Variants in DNAH7 observed in about 807,000 individuals in gnomAD.
The protein encoded by DNAH7 is axonemal beta dynein heavy chain 7.
In DNAH7, 397 loss-of-function variants were observed where a neutral mutation model predicts 444.6. That is an observed-to-expected ratio of 0.89 (90% CI 0.82 to 0.97). The LOEUF (loss-of-function observed/expected upper bound fraction) is 0.97. Ranked by LOEUF, DNAH7 falls within the 50% of genes least tolerant of loss-of-function variation. The probability of loss-of-function intolerance (pLI) is 0.00; values close to 1 mark genes in which losing one functional copy is unlikely to be tolerated. For missense variants in DNAH7, 4,902 were observed against 4,800.8 expected (o/e 1.02, Z -0.62); for synonymous variants, 1,636 against 1,624.4 (o/e 1.01, Z -0.17).
At chr2:195,754,190 T>C in intron 63 of DNAH7, 147 bp downstream of exon 63, 3 of 836,652 alleles carry the variant, frequency 3.6e-6, no homozygotes, top group African/African-American at 1.7e-5. Context: ...ATTTGCTCTC[T>C]GTATCTCAAT....
At chr2:195,941,100 T>C (rs1317902756) in intron 19 of DNAH7, among the ~76,000 whole-genome samples, 2 of 152,054 alleles carry the variant, frequency 1.3e-5, no homozygotes, top group Non-Finnish European at 2.9e-5. Flanking sequence ...CTATTCACAA[T>C]AGCAAAGACT....
chr2:195,844,865 A>G (rs369406662), intron 47 of DNAH7, 137 bp downstream of exon 47: 1 of 662,334 alleles, frequency 1.5e-6, no homozygotes, highest in East Asian at 2.8e-5. Flanking sequence ...GGAAGTGATT[A>G]CTCATACTTA....
intron 54 of DNAH7, among the ~76,000 whole-genome samples, chr2:195,801,303 T>A (rs1415824560): frequency 6.6e-6 from 1 of 152,100 alleles, no homozygotes; most frequent in Non-Finnish European, 1.5e-5. Flanking sequence ...TATATATATA[T>A]ATATATGCAC....
intron 40 of DNAH7, among the ~76,000 whole-genome samples, chr2:195,871,589 A>G (rs1421664306): frequency 6.6e-6 from 1 of 151,988 alleles, no homozygotes; most frequent in Non-Finnish European, 1.5e-5. Flanking sequence ...TATACAAATA[A>G]GTAATGTAAA....
chr2:196,001,858 C>A lies in DNAH7; in HGVS notation c.990G>T (p.Met330Ile). 1 of 1,596,924 alleles carries A rather than the reference C, an allele frequency of 6.3e-7. No homozygotes were observed. Among genetic ancestry groups the A allele is most frequent in the Non-Finnish European group, 8.5e-7 (1 of 1,173,558 alleles). ...AAATATTCTGCACTTCTGGAAACCA[C>A]CTTGAAAGAACAAAAGACTTTTAAA... The part of the protein sequence containing the change: ...MDSAKETLLK[M>I]WFPEVQNIYY... Residue 330 changes from methionine (M) to isoleucine (I), a missense_variant and splice_region_variant, in exon 11 of 65, where the codon ATG becomes ATT. Physicochemically the swap from Met to Ile is conservative, Grantham distance 10 (BLOSUM62 1). Transcript: ENST00000312428.
chr2:195,985,711 AGAGAACATTAAGAGGCAGGGG>A (rs1692861643), intron 14 of DNAH7, among the ~76,000 whole-genome samples: 1 of 152,228 alleles, frequency 6.6e-6, no homozygotes, highest in Non-Finnish European at 1.5e-5. Flanking sequence ...GCACAAGCTC[AGAGAACATTAAGAGGCAGGGG>A]AAGTAGCTAC....
chr2:195,756,190 G>C lies in DNAH7; in HGVS notation c.11529C>G (p.Ser3843Arg). 1 of 1,613,338 alleles carries C rather than the reference G, an allele frequency of 6.2e-7. No homozygotes were observed. Among genetic ancestry groups the C allele is most frequent in the Non-Finnish European group, 8.5e-7 (1 of 1,179,532 alleles). Residue 3843 changes from serine (S) to arginine (R), a missense_variant, in exon 62 of 65, where the codon AGC becomes AGG. Physicochemically the swap from Ser to Arg is moderately radical, Grantham distance 110 (BLOSUM62 -1). Coordinates refer to ENST00000312428, the MANE Select transcript of DNAH7 (RefSeq NM_018897.3). ...PEMWMGKSYP[S>R]LKPLGSYVND... is the part of the protein sequence containing the mutation. ...TCACATAGCTGCCAAGTGGTTTAAG[G>C]CTTGGGTAGGATTTACCCATCCACA...
intron 42 of DNAH7, among the ~76,000 whole-genome samples, chr2:195,859,343 T>TGG (rs1699892497): frequency 6.6e-6 from 1 of 152,186 alleles, no homozygotes; most frequent in African/African-American, 2.4e-5. Context: ...CTCAATACCC[T>TGG]GTTTGGTGCA....
At chr2:195,764,915 C>A (rs372528367) in intron 61 of DNAH7, among the ~76,000 whole-genome samples, 8 of 150,302 alleles carry the variant, frequency 5.3e-5, no homozygotes, top group African/African-American at 2.0e-4. Context: ...CCACATAAGA[C>A]CCAGAATAGC....
chr2:195,878,686 CT>C (rs1378061126), intron 36 of DNAH7, among the ~76,000 whole-genome samples: 2 of 152,130 alleles, frequency 1.3e-5, no homozygotes, highest in Non-Finnish European at 2.9e-5. Context: ...TTGAGGCCAT[CT>C]AAAAACAGAA....
At chr2:195,806,659 CA>C (rs1266362509) in intron 54 of DNAH7, 80 bp downstream of exon 54, 1 of 1,181,414 alleles carries the variant, frequency 8.5e-7, no homozygotes, top group Non-Finnish European at 1.2e-6. Context: ...CCCATGATTA[CA>C]TAAGGAAACG....
intron 17 of DNAH7, among the ~76,000 whole-genome samples, chr2:195,965,079 A>T (rs949812271): frequency 1.3e-5 from 2 of 152,026 alleles, no homozygotes; most frequent in African/African-American, 2.4e-5. Flanking sequence ...GTTTTTCCCC[A>T]TTCAGTATGA....
intron 25 of DNAH7, among the ~76,000 whole-genome samples, chr2:195,908,593 C>T (rs1020668440): frequency 4.0e-5 from 6 of 151,894 alleles, no homozygotes; most frequent in Non-Finnish European, 7.4e-5. Context: ...TCCATGTTGC[C>T]GCAAAAGACA....
rs144068278 is a variant in DNAH7, at chr2:195,985,909, GCCTTT to G, written c.1754+1152_1754+1156del. Among the ~76,000 whole-genome samples the G allele has an allele frequency of 1.6e-3, 240 of 152,210 alleles. 1 individual carries two copies. The highest frequency in any genetic ancestry group is 5.3e-3 in the African/African-American group (220 of 41,542). On this transcript the variant is annotated intron_variant, in intron 14 of 64. Coordinates refer to ENST00000312428, the MANE Select transcript of DNAH7 (RefSeq NM_018897.3). ...CTTTCACACAGTACCTTCATCCCCA[GCCTTT>G]CCTTTCACTTCTCTTCCCTCACGCT...
rs57926663 is a variant in DNAH7, at chr2:195,847,059, C to CATATAT, written c.8782-1900_8782-1895dup. On this transcript the variant is annotated intron_variant, in intron 46 of 64. Coordinates refer to ENST00000312428, the MANE Select transcript of DNAH7 (RefSeq NM_018897.3). ...TAGTTAATACTACTTTATAAACTCC[C>CATATAT]ATATATATATATATATATCTGATAT... is the stretch of plus-strand genomic sequence containing the variant. Among the ~76,000 whole-genome samples, 247 of 139,692 alleles carry CATATAT rather than the reference C, an allele frequency of 1.8e-3. 2 individuals are homozygous for CATATAT. The highest frequency in any genetic ancestry group is 4.6e-3 in the African/African-American group (173 of 37,224). The allele number at this position is 139,692 out of a possible 152,430, so 91.6% of individuals were successfully genotyped here. A position where few individuals can be genotyped will look rare whatever the true frequency, so the allele number is the denominator to read the frequency against.
intron 24 of DNAH7, among the ~76,000 whole-genome samples, chr2:195,920,671 T>C (rs1002130490): frequency 2.0e-5 from 3 of 152,202 alleles, no homozygotes; most frequent in Non-Finnish European, 2.9e-5. Flanking sequence ...AAAGAGTTCA[T>C]GACCAGGAAC....
At chr2:195,857,309 T>C in intron 44 of DNAH7, 68 bp downstream of exon 44, 5 of 1,335,252 alleles carry the variant, frequency 3.7e-6, no homozygotes, top group Non-Finnish European at 5.1e-6. Context: ...TTTTAAATTG[T>C]ATATTTTCTA....
At chr2:195,947,713 T>C (rs1002315475) in intron 19 of DNAH7, among the ~76,000 whole-genome samples, 1 of 152,196 alleles carries the variant, frequency 6.6e-6, no homozygotes, top group Admixed American at 6.5e-5. Flanking sequence ...TTTGGGTTGG[T>C]TCCAAGTATT....
chr2:195,972,079 A>C (rs576206026), intron 16 of DNAH7, among the ~76,000 whole-genome samples, 163 bp downstream of exon 16: 1 of 152,316 alleles, frequency 6.6e-6, no homozygotes, highest in Non-Finnish European at 1.5e-5. Flanking sequence ...TAAAAGATCC[A>C]ATATATTACT....
Sources: allele counts gnomAD v4.1 joint callset (sites outside exome capture counted in the v4.1 genomes callset), GRCh38; gene constraint gnomAD v4.1.1; transcripts MANE v1.5; gene names NCBI Gene and HGNC (gene_info 2026-07-23, HGNC 2026-07-21).